Variants in SYTL4 observed in about 807,000 individuals in gnomAD.
SYTL4 encodes synaptotagmin-like protein 4.
A neutral mutation model predicts 52.7 loss-of-function variants in SYTL4; 16 were observed. That is an observed-to-expected ratio of 0.30 (90% CI 0.21 to 0.46). The LOEUF is 0.46. SYTL4 is among the 20% of genes least tolerant of loss of function. The pLI is 1.00. For synonymous variants in SYTL4, 160 were observed against 186.6 expected (o/e 0.86, Z 1.16); for missense variants, 423 against 519.9 (o/e 0.81, Z 1.81).
intron 2 of SYTL4, among the ~76,000 whole-genome samples, chrX:100,719,987 C>T (rs1485729336): frequency 8.9e-6 from 1 of 111,738 alleles, no homozygotes; most frequent in Non-Finnish European, 1.9e-5. Context: ...ACGTTTGTCC[C>T]CTGCTCCTCA....
intron 2 of SYTL4, among the ~76,000 whole-genome samples, chrX:100,715,945 C>CAAAA (rs769194042): frequency 1.9e-5 from 1 of 53,577 alleles, no homozygotes; most frequent in Non-Finnish European, 3.8e-5. Flanking sequence ...CTCTCTCTCT[C>CAAAA]AAAAAAAAAA....
rs1182430773 is a variant in SYTL4 at position 100,703,202 on chromosome X, C to G, written c.-163-17G>C. 9.1e-6 allele frequency: 1 copy of G among 109,861 alleles called. No homozygotes were observed. Among genetic ancestry groups the G allele is most frequent in the African/African-American group, 3.3e-5 (1 of 30,121 alleles). The allele number at this position is 109,861 out of a possible 1,213,427, so 9.1% of individuals were successfully genotyped here. The stretch of plus-strand genomic sequence containing the variant: ...ACTCAGTCTCTACAAAAAGAAAAAT[C>G]AAAACTTAGCTAGCCATGATGGTAC... On this transcript the variant is annotated splice_polypyrimidine_tract_variant and intron_variant, in intron 3 of 19. Coordinates refer to ENST00000372989, the MANE Select transcript of SYTL4 (RefSeq NM_001370165.1).
At chrX:100,702,881 G>A (rs765421391) in intron 4 of SYTL4, among the ~76,000 whole-genome samples, 75 of 111,532 alleles carry the variant, frequency 6.7e-4, no homozygotes, top group African/African-American at 2.3e-3. Flanking sequence ...TGAGAACTTA[G>A]GGAAGAAAGC....
In SYTL4 at chrX:100,676,139, C is replaced by T. The variant is rs148558767; in HGVS notation, c.1905G>A (p.Ser635=). 7.4e-6 allele frequency: 9 copies of T among 1,211,103 alleles called. No individual in the cohort carries two copies. The highest frequency in any genetic ancestry group is 5.9e-5 in the East Asian group (2 of 33,806). ...GCCACAGGCTCACTTCTTCCCCAGT[C>T]GAGTCCATCCAGTCCACCACTTCCC... ...SNGEVVDWMD[S]TGEEVSLWQK... Residue 635 remains serine, a synonymous_variant, in exon 20 of 20, where the codon TCG becomes TCA. Coordinates refer to ENST00000372989, the MANE Select transcript of SYTL4 (RefSeq NM_001370165.1).
In SYTL4 at chrX:100,690,572, T is replaced by C; in HGVS notation, c.708A>G (p.Gln236=). 8.3e-7 allele frequency: 1 copy of C among 1,205,773 alleles called. No homozygotes were observed. Among genetic ancestry groups the C allele is most frequent in the Non-Finnish European group, 1.1e-6 (1 of 891,715 alleles). ...EWKKMSAPKS[Q]VEKETQPGGQ... is the part of the protein sequence containing the mutation. ...ATAACCTGAAGCTTACCTTTTCTACTTGAGATTTGGGAGCAGACATCTTCT... is the reference window on the plus strand; with the variant it reads ...ATAACCTGAAGCTTACCTTTTCTACCTGAGATTTGGGAGCAGACATCTTCT... The change falls in exon 10 of 20, where the codon CAA becomes CAG. Residue 236 remains glutamine (Q), a synonymous_variant. Transcript: ENST00000372989.
In SYTL4 at chrX:100,686,161, G is replaced by T. The variant is rs774002634; in HGVS notation, c.1288-10C>A. On this transcript the variant is annotated splice_polypyrimidine_tract_variant and intron_variant, in intron 15 of 19. Transcript: ENST00000372989. ...ATTCTGGGATCTCATACTGTGAAGG[G>T]AAAGTAAAAGCCCAAGATGATTAGT... The T allele has an allele frequency of 1.7e-6, 2 of 1,194,944 alleles. No individual in the cohort carries two copies. The highest frequency in any genetic ancestry group is 2.3e-5 in the Admixed American group (1 of 43,779).
intron 17 of SYTL4, among the ~76,000 whole-genome samples, chrX:100,680,910 T>C (rs1286227641): frequency 1.8e-5 from 2 of 111,598 alleles, no homozygotes; most frequent in South Asian, 7.6e-4. Context: ...CTGTCCTTCA[T>C]ACTTTACCAC....
In SYTL4 at chrX:100,675,824, A is replaced by T. The variant is rs753767538; in HGVS notation, c.*204T>A. On this transcript the variant is annotated 3_prime_UTR_variant, in exon 20 of 20. Coordinates refer to ENST00000372989, the MANE Select transcript of SYTL4 (RefSeq NM_001370165.1). Reference sequence around the variant, plus strand: ...AAATGCTTATTCTTGAGACTGCTTTAAAAAGAAGAACAAGTCTGCATCACT... The same window carrying T: ...AAATGCTTATTCTTGAGACTGCTTTTAAAAGAAGAACAAGTCTGCATCACT... The T allele has an allele frequency of 9.2e-6, 3 of 324,510 alleles. No homozygotes were observed. Among genetic ancestry groups the T allele is most frequent in the Admixed American group, 1.1e-4 (2 of 17,762 alleles). 26.7% of individuals were successfully genotyped at this position (324,510 alleles called of 1,213,427 possible). A position where few individuals can be genotyped will look rare whatever the true frequency, so the allele number is the denominator to read the frequency against.
chrX:100,684,630 G>T (rs1055378400), intron 16 of SYTL4: 39 of 106,608 alleles, frequency 3.7e-4, no homozygotes, highest in Middle Eastern at 4.8e-3. Flanking sequence ...TGTAAAAAAA[G>T]AAAAAAATAC....
At chrX:100,683,980 C>T (rs993112012) in intron 16 of SYTL4, among the ~76,000 whole-genome samples, 5 of 111,067 alleles carry the variant, frequency 4.5e-5, no homozygotes, top group African/African-American at 1.6e-4. Context: ...TTATATTGAC[C>T]GTAGAGAATG....
At chrX:100,698,449 A>C (rs1264939119) in intron 8 of SYTL4, among the ~76,000 whole-genome samples, 1 of 111,805 alleles carries the variant, frequency 8.9e-6, no homozygotes, top group Non-Finnish European at 1.9e-5. Context: ...TTTTCAGGCA[A>C]GTCCAATCTC....
At chrX:100,690,770 G>T in intron 9 of SYTL4, 132 bp from the exon 10 acceptor site, 1 of 476,051 alleles carries the variant, frequency 2.1e-6, no homozygotes, top group South Asian at 3.6e-5. Flanking sequence ...GGTACACTTC[G>T]CATGTGATTT....
chrX:100,718,834 TGTTGCCCAGGCTGGAGTTAG>T (rs1316003883), intron 2 of SYTL4, among the ~76,000 whole-genome samples: 2 of 105,568 alleles, frequency 1.9e-5, no homozygotes. Context: ...AGTCTCACTC[TGTTGCCCAGGCTGGAGTTAG>T]GCAGCGCCAT....
At position 100,686,168 on chromosome X, in the gene SYTL4, A is replaced by G; in HGVS notation, c.1288-17T>C. On this transcript the variant is annotated splice_polypyrimidine_tract_variant and intron_variant, in intron 15 of 19. Transcript: ENST00000372989. ...GATCTCATACTGTGAAGGGAAAGTA[A>G]AAGCCCAAGATGATTAGTTAAGGGT... is the stretch of plus-strand genomic sequence containing the variant. The G allele has an allele frequency of 8.4e-7, 1 of 1,193,323 alleles. No homozygotes were observed.
chrX:100,724,037 A>G (rs752769108), intron 2 of SYTL4, among the ~76,000 whole-genome samples: 801 of 59,663 alleles, frequency 0.013, 1 homozygote, highest in African/African-American at 0.053. Context: ...CCCCCCGCCC[A>G]GCCAGCCGCC....
intron 1 of SYTL4, among the ~76,000 whole-genome samples, 184 bp downstream of exon 1, chrX:100,731,820 C>A (rs1036748203): frequency 1.8e-5 from 2 of 111,082 alleles, no homozygotes; most frequent in Non-Finnish European, 3.8e-5. Context: ...TCGGGAGAGG[C>A]GGACGGGGAG....
chrX:100,695,293 T>C (rs993606747), intron 8 of SYTL4, among the ~76,000 whole-genome samples: 21 of 111,401 alleles, frequency 1.9e-4, no homozygotes, highest in Non-Finnish European at 3.2e-4. Context: ...AATAGGGTGG[T>C]TGAATTAAAT....
chrX:100,682,312 G>T (rs1206409431), intron 16 of SYTL4, among the ~76,000 whole-genome samples: 3 of 111,022 alleles, frequency 2.7e-5, no homozygotes, highest in Non-Finnish European at 5.7e-5. Context: ...AACTTTTAGT[G>T]TCCTTTTAAT....
intron 2 of SYTL4, among the ~76,000 whole-genome samples, chrX:100,720,106 C>T (rs1364421745): frequency 8.9e-6 from 1 of 111,817 alleles, no homozygotes; most frequent in Non-Finnish European, 1.9e-5. Flanking sequence ...TGTGTCCAAA[C>T]ACCCTACTTG....
Sources: gnomAD v4.1 joint callset for allele counts (sites outside exome capture counted in the v4.1 genomes callset) on GRCh38, gnomAD v4.1.1 for gene constraint, MANE v1.5 for transcripts, NCBI Gene and HGNC (gene_info 2026-07-23, HGNC 2026-07-21) for gene names.